The following CDH9 variants were observed in gnomAD, a reference collection of about 807,000 sequenced individuals.
CDH9 encodes cadherin 9, also known as cadherin-9.
CDH9 carries 28 observed loss-of-function variants against 70.9 expected under a neutral mutation model. The ratio of observed to expected loss-of-function variants is 0.40; its 90% CI spans 0.29 to 0.54. The LOEUF is 0.54. Among genes scored for constraint, CDH9 ranks in the 20% least tolerant of loss-of-function variants. The pLI, the probability that CDH9 is intolerant of heterozygous loss-of-function variation, is 0.59. For synonymous variants in CDH9, 409 were observed against 343.1 expected (o/e 1.19, Z -2.12); for missense variants, 874 against 984.4 (o/e 0.89, Z 1.50).
At position 26,954,388 on chromosome 5, in the gene CDH9, C is replaced by CTTTTTT. The variant is rs59882843; in HGVS notation, c.228+33712_228+33717dup. Among the ~76,000 whole-genome samples the CTTTTTT allele has an allele frequency of 8.3e-3, 772 of 93,012 alleles. 143 individuals are homozygous for CTTTTTT. The highest frequency in any genetic ancestry group is 0.035 in the African/African-American group (736 of 21,230). 61.0% of individuals were successfully genotyped at this position (93,012 alleles called of 152,430 possible). A position where few individuals can be genotyped will look rare whatever the true frequency, so the allele number is the denominator to read the frequency against. On this transcript the variant is annotated intron_variant, in intron 2 of 11. Transcript: ENST00000231021. ...AGCTTTTCGCTATTATACAGCCTTTCTTTTTTTTTTTTTTGAGACATAGTC... is the reference window on the plus strand; with the variant it reads ...AGCTTTTCGCTATTATACAGCCTTTCTTTTTTTTTTTTTTTTTTTTGAGACATAGTC...
chr5:26,973,465 T>C (rs1041508804), intron 2 of CDH9, among the ~76,000 whole-genome samples: 2 of 152,114 alleles, frequency 1.3e-5, no homozygotes, highest in African/African-American at 4.8e-5. Flanking sequence ...ACAAAAGATG[T>C]TCCTTGAAGA....
intron 2 of CDH9, among the ~76,000 whole-genome samples, chr5:26,972,761 G>A (rs1261617926): frequency 3.3e-5 from 5 of 152,104 alleles, no homozygotes; most frequent in Non-Finnish European, 7.4e-5. Flanking sequence ...CTCTGCTCCT[G>A]CACTTTAGTT....
chr5:27,025,585 T>C (rs1743207138), intron 1 of CDH9, among the ~76,000 whole-genome samples: 1 of 152,068 alleles, frequency 6.6e-6, no homozygotes, highest in Non-Finnish European at 1.5e-5. Context: ...CAGTGGAACC[T>C]GCAAGACAAC....
intron 7 of CDH9, among the ~76,000 whole-genome samples, chr5:26,894,554 G>C (rs1251089165): frequency 1.3e-5 from 2 of 151,968 alleles, no homozygotes; most frequent in Admixed American, 6.6e-5. Flanking sequence ...TCAAATTTTT[G>C]TTTCCAGTGC....
chr5:26,911,318 G>T (rs1435874159), intron 3 of CDH9, among the ~76,000 whole-genome samples: 2 of 152,076 alleles, frequency 1.3e-5, no homozygotes, highest in South Asian at 2.1e-4. Context: ...ATTTGGTCAA[G>T]AATTTTCTTT....
intron 2 of CDH9, among the ~76,000 whole-genome samples, chr5:26,938,588 A>C (rs4560514): frequency 6.6e-6 from 1 of 152,070 alleles, no homozygotes; most frequent in African/African-American, 2.4e-5. Context: ...TAAAATTAAT[A>C]ATACACCTAA....
intron 1 of CDH9, among the ~76,000 whole-genome samples, chr5:27,005,893 T>C (rs1358783375): frequency 1.3e-5 from 2 of 152,116 alleles, no homozygotes; most frequent in Non-Finnish European, 2.9e-5. Context: ...TGGAGGCTAT[T>C]ATCCTACGCA....
Position 26,897,126 on chromosome 5 carries a change from T to C in CDH9, c.1253+5350A>G, listed in dbSNP as rs566274493. 3.7e-4 allele frequency among the ~76,000 whole-genome samples: 56 copies of C among 152,166 alleles called. No homozygotes were observed. In the South Asian group the frequency reaches 0.011, roughly 30 times the overall value. ...CTCCAAAGACTAAACCAGGAAGAAG[T>C]TGAATCCCTGAATAGACCAATAACA... is the stretch of plus-strand genomic sequence containing the variant. On this transcript the variant is annotated intron_variant, in intron 7 of 11. Coordinates refer to ENST00000231021, the MANE Select transcript of CDH9 (RefSeq NM_016279.4).
rs764319455 is a variant in CDH9, at chr5:26,972,595, G to T, written c.228+15511C>A. On this transcript the variant is annotated intron_variant, in intron 2 of 11. Transcript: ENST00000231021. The stretch of plus-strand genomic sequence containing the variant: ...TTTTCAGTCTGAGTTTGGGTGAAAA[G>T]TCTGCCTACAAGTGGACATACGCAG... 1.2e-4 allele frequency among the ~76,000 whole-genome samples: 19 copies of T among 152,128 alleles called. 1 individual carries two copies. The highest frequency in any genetic ancestry group is 1.9e-4 in the Non-Finnish European group (13 of 68,018).
intron 2 of CDH9, among the ~76,000 whole-genome samples, chr5:26,938,270 G>T (rs1184805765): frequency 6.6e-6 from 1 of 150,868 alleles, no homozygotes; most frequent in African/African-American, 2.4e-5. Context: ...TATTTAAAAA[G>T]AACTCATTAT....
chr5:26,909,879 G>T (rs1392223525), intron 3 of CDH9, among the ~76,000 whole-genome samples: 9 of 151,776 alleles, frequency 5.9e-5, no homozygotes, highest in Admixed American at 5.9e-4. Context: ...AAATAATTCG[G>T]TGGCTAAAGA....
chr5:27,010,986 A>G (rs1370658180), intron 1 of CDH9, among the ~76,000 whole-genome samples: 3 of 152,136 alleles, frequency 2.0e-5, no homozygotes, highest in Non-Finnish European at 4.4e-5. Flanking sequence ...TGTCAAGAAA[A>G]GAGAGGGAAC....
chr5:26,939,096 C>T (rs962081426), intron 2 of CDH9, among the ~76,000 whole-genome samples: 1 of 151,712 alleles, frequency 6.6e-6, no homozygotes, highest in Non-Finnish European at 1.5e-5. Flanking sequence ...AATAATTTCA[C>T]CAAGTTATTG....
intron 2 of CDH9, among the ~76,000 whole-genome samples, chr5:26,955,073 A>G (rs28398311): frequency 0.21 from 32,538 of 152,172 alleles, 6,781 homozygotes; most frequent in African/African-American, 0.55. Context: ...TAGATTGTTT[A>G]GATGTCATCC....
intron 2 of CDH9, among the ~76,000 whole-genome samples, chr5:26,919,448 C>A (rs1282698811): frequency 2.0e-5 from 3 of 152,152 alleles, no homozygotes; most frequent in African/African-American, 4.8e-5. Context: ...CTACCATGGG[C>A]TAAAGGGTTC....
chr5:26,881,906 T>G (rs1740474374), intron 11 of CDH9, among the ~76,000 whole-genome samples: 1 of 152,072 alleles, frequency 6.6e-6, no homozygotes, highest in Admixed American at 6.6e-5. Context: ...CAACTGCAAT[T>G]GCCTGACACC....
rs150604945 is a variant in CDH9, at chr5:26,889,031, TACAA to T, written c.1512+801_1512+804del. 2.3e-4 allele frequency among the ~76,000 whole-genome samples: 35 copies of T among 152,310 alleles called. No individual in the cohort carries two copies. The East Asian group carries it at 6.4e-3, about 28-fold the overall frequency. ...TCAAGATTTGAATTTGGAGGAGGGC[TACAA>T]ACATTCAGTTCATAATATTCTCTAT... On this transcript the variant is annotated intron_variant, in intron 9 of 11. Transcript: ENST00000231021.
At chr5:26,934,598 T>C (rs1422917618) in intron 2 of CDH9, among the ~76,000 whole-genome samples, 1 of 152,154 alleles carries the variant, frequency 6.6e-6, no homozygotes, top group East Asian at 1.9e-4. Context: ...CATTTCAACA[T>C]GAGACTTGGT....
At chr5:27,005,209 T>A (rs115738366) in intron 1 of CDH9, among the ~76,000 whole-genome samples, 3,969 of 152,188 alleles carry the variant, frequency 0.026, 75 homozygotes, top group Middle Eastern at 0.092. Context: ...TCAAAGTTTT[T>A]AAAATTATGT....
Sources: allele counts gnomAD v4.1 joint callset (sites outside exome capture counted in the v4.1 genomes callset), GRCh38; gene constraint gnomAD v4.1.1; transcripts MANE v1.5; gene names NCBI Gene and HGNC (gene_info 2026-07-23, HGNC 2026-07-21).